CRADD: variants seen among roughly 807,000 people sequenced by gnomAD.
CRADD encodes the protein death domain-containing protein CRADD.
Under a neutral mutation model 15.5 loss-of-function variants are expected in CRADD, and 9 were observed. That is an observed-to-expected ratio of 0.58 (90% CI 0.35 to 1.01). CRADD has a LOEUF of 1.01. Ranked by LOEUF, CRADD falls within the 50% of genes least tolerant of loss-of-function variation. The pLI, the probability that CRADD is intolerant of heterozygous loss-of-function variation, is 0.02. For synonymous variants in CRADD, 118 were observed against 107.6 expected (o/e 1.10, Z -0.60); for missense variants, 227 against 250.3 (o/e 0.91, Z 0.63).
intron 2 of CRADD, among the ~76,000 whole-genome samples, chr12:93,743,718 A>G (rs772184263): frequency 2.0e-5 from 3 of 152,130 alleles, no homozygotes; most frequent in Non-Finnish European, 2.9e-5. Context: ...GGCAACTATG[A>G]TCACATATTG....
At chr12:93,710,842 A>G (rs2136861613) in intron 2 of CRADD, among the ~76,000 whole-genome samples, 1 of 152,278 alleles carries the variant, frequency 6.6e-6, no homozygotes, top group South Asian at 2.1e-4. Context: ...AGTCCTCCTC[A>G]GTATGCTTAG....
At chr12:93,813,664 G>A (rs768940116) in intron 2 of CRADD, among the ~76,000 whole-genome samples, 8 of 152,016 alleles carry the variant, frequency 5.3e-5, no homozygotes, top group South Asian at 2.1e-4. Context: ...AGAGGGCCTC[G>A]GTGGTCCAAG....
chr12:93,856,627 C>A (rs1958277341), intron 2 of CRADD, among the ~76,000 whole-genome samples: 1 of 152,186 alleles, frequency 6.6e-6, no homozygotes, highest in Admixed American at 6.5e-5. Flanking sequence ...TGACAAATGG[C>A]TCTCCTTGCC....
intron 2 of CRADD, among the ~76,000 whole-genome samples, chr12:93,744,708 G>A (rs1415037977): frequency 6.6e-6 from 1 of 152,188 alleles, no homozygotes; most frequent in South Asian, 2.1e-4. Flanking sequence ...TGAAAATTTT[G>A]CAAGGTAAAA....
intron 2 of CRADD, among the ~76,000 whole-genome samples, chr12:93,861,923 G>T (rs2137059700): frequency 6.6e-6 from 1 of 152,288 alleles, no homozygotes; most frequent in Admixed American, 6.5e-5. Flanking sequence ...CGAGGGCAAG[G>T]CCAGGTAGAG....
chr12:93,886,445 G>A (rs192375835), intron 2 of CRADD, among the ~76,000 whole-genome samples: 1 of 152,250 alleles, frequency 6.6e-6, no homozygotes, highest in East Asian at 1.9e-4. Context: ...ACGGGTGTGA[G>A]CCACTGCGCC....
chr12:93,760,214 C>G (rs562550574), intron 2 of CRADD, among the ~76,000 whole-genome samples: 1 of 152,192 alleles, frequency 6.6e-6, no homozygotes, highest in East Asian at 1.9e-4. Context: ...TCTTATTAAT[C>G]TCTGTGTGAT....
intron 2 of CRADD, among the ~76,000 whole-genome samples, chr12:93,767,611 A>C (rs1339177072): frequency 6.6e-6 from 1 of 152,204 alleles, no homozygotes; most frequent in African/African-American, 2.4e-5. Context: ...TGAGAAACCT[A>C]AGTTTTAGAG....
chr12:93,829,621 C>A (rs1565930063), intron 2 of CRADD, among the ~76,000 whole-genome samples: 1 of 152,224 alleles, frequency 6.6e-6, no homozygotes, highest in Non-Finnish European at 1.5e-5. Context: ...TGTGCAGCCT[C>A]TGATGGATGG....
intron 2 of CRADD, among the ~76,000 whole-genome samples, chr12:93,874,993 A>G (rs771187348): frequency 6.6e-6 from 1 of 152,088 alleles, no homozygotes; most frequent in Non-Finnish European, 1.5e-5. Flanking sequence ...TGTCTGGAAG[A>G]TCTGTCCAAT....
intron 2 of CRADD, among the ~76,000 whole-genome samples, chr12:93,845,082 G>A (rs1958097918): frequency 6.6e-6 from 1 of 152,234 alleles, no homozygotes; most frequent in Non-Finnish European, 1.5e-5. Context: ...GACCATAGGA[G>A]TGAGTCTGCC....
chr12:93,813,245 C>G (rs1593011478), intron 2 of CRADD, among the ~76,000 whole-genome samples: 1 of 152,298 alleles, frequency 6.6e-6, no homozygotes, highest in Admixed American at 6.5e-5. Flanking sequence ...TAAAAACTCC[C>G]AAAACATCCA....
chr12:93,711,708 G>A (rs1038532659), intron 2 of CRADD, among the ~76,000 whole-genome samples: 1 of 151,198 alleles, frequency 6.6e-6, no homozygotes, highest in Non-Finnish European at 1.5e-5. Flanking sequence ...CTTCATTCAA[G>A]CCTCAGCCCA....
intron 2 of CRADD, among the ~76,000 whole-genome samples, chr12:93,698,219 T>C (rs1195605127): frequency 6.6e-6 from 1 of 152,132 alleles, no homozygotes; most frequent in Non-Finnish European, 1.5e-5. Flanking sequence ...AATCCCATCA[T>C]TACTGTTGGA....
At chr12:93,861,226 A>G (rs1340146551) in intron 2 of CRADD, among the ~76,000 whole-genome samples, 2 of 152,194 alleles carry the variant, frequency 1.3e-5, no homozygotes, top group Admixed American at 6.5e-5. Flanking sequence ...GAGGCAGGAA[A>G]GTACTGACAT....
chr12:93,892,162 A>G (rs1958580511), intron 2 of CRADD, among the ~76,000 whole-genome samples: 1 of 152,140 alleles, frequency 6.6e-6, no homozygotes, highest in African/African-American at 2.4e-5. Flanking sequence ...ACGCTGCTTT[A>G]CCGAGCTCCT....
chr12:93,718,661 T>C (rs911388868), intron 2 of CRADD, among the ~76,000 whole-genome samples: 6 of 152,200 alleles, frequency 3.9e-5, no homozygotes, highest in Non-Finnish European at 7.4e-5. Context: ...TTTCTTGTCT[T>C]ATTGCACCAG....
At chr12:93,780,079 G>C (rs1447548639) in intron 2 of CRADD, among the ~76,000 whole-genome samples, 3 of 152,148 alleles carry the variant, frequency 2.0e-5, no homozygotes, top group African/African-American at 7.2e-5. Flanking sequence ...CAACAAGAAA[G>C]CTCTCTTTAA....
intron 2 of CRADD, chr12:93,790,854 A>C (rs1957340881): frequency 6.6e-6 from 1 of 151,660 alleles, no homozygotes; most frequent in Non-Finnish European, 1.5e-5. Context: ...AAATCACTTA[A>C]TTAACAGTGA....
Sources: gnomAD v4.1 joint callset for allele counts (sites outside exome capture counted in the v4.1 genomes callset) on GRCh38, gnomAD v4.1.1 for gene constraint, MANE v1.5 for transcripts, NCBI Gene and HGNC (gene_info 2026-07-23, HGNC 2026-07-21) for gene names.